The following FAT3 variants were observed in gnomAD, a reference collection of about 807,000 sequenced individuals.
The protein encoded by FAT3 is FAT atypical cadherin 3.
Under a neutral mutation model 310.2 loss-of-function variants are expected in FAT3, and 95 were observed. That is an observed-to-expected ratio of 0.31 (90% CI 0.26 to 0.36). The LOEUF is 0.36. FAT3 is among the 10% of genes least tolerant of loss of function. The pLI is 1.00. For missense variants in FAT3, 5,408 were observed against 5,715.6 expected, an observed-to-expected ratio of 0.95 and a Z score of 1.74; for synonymous variants, 2,314 against 2,192.9, an observed-to-expected ratio of 1.06 and a Z score of -1.54.
rs757909810 is a variant in FAT3, at chr11:92,283,723, C to T, written c.-18+58549C>T. Among the ~76,000 whole-genome samples, 13 of 152,176 alleles carry T rather than the reference C, an allele frequency of 8.5e-5. No individual in the cohort carries two copies. In the East Asian group the frequency reaches 1.5e-3, roughly 18 times the overall value. ...TCTGGAAGCATTTGTTAAAGTGGCCCGTGCATAAAGTGAGATCCACAGGGT... is the reference window on the plus strand; with the variant it reads ...TCTGGAAGCATTTGTTAAAGTGGCCTGTGCATAAAGTGAGATCCACAGGGT... On this transcript the variant is annotated intron_variant, in intron 1 of 27. Coordinates refer to ENST00000525166, the MANE Select transcript of FAT3 (RefSeq NM_001367949.2).
intron 2 of FAT3, among the ~76,000 whole-genome samples, chr11:92,445,712 A>G (rs531694614): frequency 6.6e-5 from 10 of 152,276 alleles, no homozygotes; most frequent in Admixed American, 2.0e-4. Flanking sequence ...AAAATTACCT[A>G]TAAGTCCATC....
intron 2 of FAT3, among the ~76,000 whole-genome samples, chr11:92,507,618 T>C (rs1953153203): frequency 6.6e-6 from 1 of 151,542 alleles, no homozygotes; most frequent in Non-Finnish European, 1.5e-5. Context: ...TGTATATACG[T>C]ATAGGAAAAT....
chr11:92,876,940 C>T (rs1044830057), intron 22 of FAT3, among the ~76,000 whole-genome samples: 1 of 152,194 alleles, frequency 6.6e-6, no homozygotes, highest in Non-Finnish European at 1.5e-5. Flanking sequence ...GAGAATGGTT[C>T]CTTGCAGTAG....
intron 16 of FAT3, 143 bp downstream of exon 16, chr11:92,836,846 AAAT>A (rs1164923325): frequency 1.1e-6 from 1 of 938,328 alleles, no homozygotes; most frequent in Non-Finnish European, 1.5e-6. Flanking sequence ...ATGCAGCATG[AAAT>A]ATTAGGGTTA....
At chr11:92,332,153 T>G (rs1333265058) in intron 1 of FAT3, among the ~76,000 whole-genome samples, 1 of 152,230 alleles carries the variant, frequency 6.6e-6, no homozygotes, top group Non-Finnish European at 1.5e-5. Context: ...GGCTTGTGCT[T>G]TGTTCACCCT....
intron 4 of FAT3, among the ~76,000 whole-genome samples, chr11:92,709,686 T>C (rs1565530757): frequency 1.3e-5 from 2 of 152,204 alleles, no homozygotes; most frequent in African/African-American, 2.4e-5. Flanking sequence ...TAGTGATATG[T>C]ACTGTCCAGA....
chr11:92,520,267 T>C (rs1953638453), intron 2 of FAT3, among the ~76,000 whole-genome samples: 1 of 152,136 alleles, frequency 6.6e-6, no homozygotes, highest in African/African-American at 2.4e-5. Context: ...TTAAGTTCTA[T>C]AAAATTCTAG....
chr11:92,767,328 G>C (rs572714374), intron 6 of FAT3, among the ~76,000 whole-genome samples: 1 of 151,292 alleles, frequency 6.6e-6, no homozygotes, highest in Admixed American at 6.6e-5. Flanking sequence ...GTGCTGTCCT[G>C]AGATTAGATG....
At chr11:92,837,077 G>C (rs1948426871) in intron 16 of FAT3, among the ~76,000 whole-genome samples, 1 of 152,042 alleles carries the variant, frequency 6.6e-6, no homozygotes, top group African/African-American at 2.4e-5. Flanking sequence ...AAGGCATCTA[G>C]GTCAGAAAAA....
At chr11:92,344,953 G>A (rs922636124) in intron 1 of FAT3, among the ~76,000 whole-genome samples, 2 of 152,104 alleles carry the variant, frequency 1.3e-5, no homozygotes, top group South Asian at 2.1e-4. Flanking sequence ...TGGGAGATGA[G>A]GGAGGTTTAT....
chr11:92,348,099 CTG>C (rs2134611417), intron 1 of FAT3, among the ~76,000 whole-genome samples: 1 of 151,426 alleles, frequency 6.6e-6, no homozygotes, highest in South Asian at 2.1e-4. Flanking sequence ...AGTGGGAAAA[CTG>C]CAAGGCTTTT....
intron 2 of FAT3, among the ~76,000 whole-genome samples, chr11:92,508,181 G>A (rs934029658): frequency 6.6e-6 from 1 of 152,042 alleles, no homozygotes; most frequent in Non-Finnish European, 1.5e-5. Flanking sequence ...CCTAGAATGT[G>A]TTTTCCAGGG....
chr11:92,887,077 C>A lies in FAT3; in HGVS notation c.13015C>A (p.Leu4339Ile), dbSNP rs1333843183. The A allele has an allele frequency of 1.9e-6, 3 of 1,611,774 alleles. No individual in the cohort carries two copies. Among genetic ancestry groups the A allele is most frequent in the African/African-American group, 2.7e-5 (2 of 74,908 alleles). ...NKGSNSEVQS[L>I]SSFQSDSGDD... ...AGGCAGCAACTCTGAAGTTCAGTCCCTCAGCTCCTTCCAGTCAGATTCTGG... is the reference window on the plus strand; with the variant it reads ...AGGCAGCAACTCTGAAGTTCAGTCCATCAGCTCCTTCCAGTCAGATTCTGG... The change falls in exon 25 of 28, where the codon CTC (leucine) becomes ATC (isoleucine). Residue 4339 changes from leucine to isoleucine, a missense_variant. Transcript: ENST00000525166.
chr11:92,753,675 A>T (rs1328937394), intron 4 of FAT3, among the ~76,000 whole-genome samples: 1 of 152,070 alleles, frequency 6.6e-6, no homozygotes, highest in African/African-American at 2.4e-5. Context: ...AAAACTAAAA[A>T]TGGAACTACC....
intron 7 of FAT3, among the ~76,000 whole-genome samples, chr11:92,784,190 G>A (rs1049682408): frequency 9.9e-5 from 15 of 152,102 alleles, no homozygotes; most frequent in Admixed American, 2.6e-4. Flanking sequence ...TGGTAAACCA[G>A]AAATAATAAA....
chr11:92,360,183 A>G (rs1294171241), intron 2 of FAT3, among the ~76,000 whole-genome samples: 1 of 152,182 alleles, frequency 6.6e-6, no homozygotes, highest in Non-Finnish European at 1.5e-5. Context: ...ATCAATGTAC[A>G]AAAATCACAA....
chr11:92,692,420 AGACT>A (rs1316329803), intron 3 of FAT3, among the ~76,000 whole-genome samples: 2 of 152,186 alleles, frequency 1.3e-5, no homozygotes, highest in African/African-American at 4.8e-5. Context: ...CTATTAGGGA[AGACT>A]GACTGTTTGG....
In FAT3 at chr11:92,834,873, G is replaced by C; in HGVS notation, c.9875G>C (p.Gly3292Ala). Reference protein sequence around the residue: ...GKFKINPKTGGISVSEVLDYE... With the variant: ...GKFKINPKTGAISVSEVLDYE... ...AGCTCCCCATTTTTCTTCAAAGGGG[G>C]TATTTCTGTCTCTGAAGTCCTGGAC... Residue 3292 changes from glycine (G) to alanine (A), a missense_variant, in exon 15 of 28, where the codon GGT (glycine) becomes GCT (alanine). Around this residue, in one of 5 missense-constraint regions of FAT3, gnomAD observed 4,588 missense variants for 4,809.8 expected, o/e 0.95. Coordinates refer to ENST00000525166, the MANE Select transcript of FAT3 (RefSeq NM_001367949.2). The C allele has an allele frequency of 6.2e-7, 1 of 1,605,426 alleles. No individual in the cohort carries two copies. Among genetic ancestry groups the C allele is most frequent in the Non-Finnish European group, 8.5e-7 (1 of 1,175,316 alleles).
chr11:92,697,534 T>G, intron 4 of FAT3, 89 bp downstream of exon 4: 1 of 1,218,196 alleles, frequency 8.2e-7, no homozygotes, highest in Non-Finnish European at 1.2e-6. Flanking sequence ...TTCAATATAT[T>G]TGAACAGTGG....
Sources: gnomAD v4.1 joint callset for allele counts (sites outside exome capture counted in the v4.1 genomes callset) on GRCh38, gnomAD v4.1.1 for gene constraint, gnomAD v4.1.1 regional missense constraint, MANE v1.5 for transcripts, NCBI Gene and HGNC (gene_info 2026-07-23, HGNC 2026-07-21) for gene names.